The following LPP variants were observed in gnomAD, a reference collection of about 807,000 sequenced individuals.
LPP encodes the protein lipoma-preferred partner.
Under a neutral mutation model 60.4 loss-of-function variants are expected in LPP, and 38 were observed. That is an observed-to-expected ratio of 0.63 (90% CI 0.49 to 0.83). The LOEUF (loss-of-function observed/expected upper bound fraction) is 0.83. Ranked by LOEUF, LPP falls within the 40% of genes least tolerant of loss-of-function variation. The pLI, the probability that LPP is intolerant of heterozygous loss-of-function variation, is 0.00. For synonymous variants in LPP, 328 were observed against 290.8 expected, an observed-to-expected ratio of 1.13 and a Z score of -1.30; for missense variants, 902 against 783.6, an observed-to-expected ratio of 1.15 and a Z score of -1.80.
intron 8 of LPP, among the ~76,000 whole-genome samples, chr3:188,730,254 A>G (rs1719953352): frequency 6.6e-6 from 1 of 152,206 alleles, no homozygotes; most frequent in African/African-American, 2.4e-5. Flanking sequence ...GACCTTGGAA[A>G]TCATCTCCTA....
chr3:188,484,543 A>G (rs1407681117), intron 4 of LPP, 49 bp from the exon 5 acceptor site: 9 of 1,324,614 alleles, frequency 6.8e-6, no homozygotes, highest in South Asian at 1.2e-5. Flanking sequence ...CACGAGTACT[A>G]TAACGTTGCA....
intron 7 of LPP, among the ~76,000 whole-genome samples, chr3:188,667,678 C>T (rs1856094767): frequency 6.7e-6 from 1 of 148,612 alleles, no homozygotes; most frequent in Non-Finnish European, 1.5e-5. Context: ...GTGTGCTAAT[C>T]TTTTTTGTTT....
Position 188,877,820 on chromosome 3 carries a change from A to G in LPP, c.*3341A>G. ...AGGCATCAGGTTGTTAGATGCTGGCATCTCTGCAGCTCAAAGATGTGGGTT... is the reference window on the plus strand; with the variant it reads ...AGGCATCAGGTTGTTAGATGCTGGCGTCTCTGCAGCTCAAAGATGTGGGTT... On this transcript the variant is annotated 3_prime_UTR_variant, in exon 12 of 12. Transcript: ENST00000617246. 4.6e-6 allele frequency: 1 copy of G among 216,668 alleles called. No homozygotes were observed. 13.4% of individuals were successfully genotyped at this position (216,668 alleles called of 1,614,324 possible).
intron 4 of LPP, among the ~76,000 whole-genome samples, chr3:188,482,151 C>G (rs563705771): frequency 2.0e-5 from 3 of 152,164 alleles, no homozygotes; most frequent in Non-Finnish European, 4.4e-5. Context: ...TTCCCCTTCA[C>G]CTTCTGCCGT....
chr3:188,691,456 C>T (rs75760859), intron 7 of LPP, among the ~76,000 whole-genome samples: 3 of 152,188 alleles, frequency 2.0e-5, no homozygotes, highest in East Asian at 1.9e-4. Flanking sequence ...GGAGTAAGGC[C>T]TGGCCCAAAG....
chr3:188,403,541 T>C lies in LPP; in HGVS notation c.-9-2571T>C, dbSNP rs1038438397. 9.2e-5 allele frequency among the ~76,000 whole-genome samples: 14 copies of C among 152,354 alleles called. No homozygotes were observed. The East Asian group carries it at 2.5e-3, about 27-fold the overall frequency. On this transcript the variant is annotated intron_variant, in intron 3 of 11. Transcript: ENST00000617246. ...CTTGATCCCTTTTATTTCACACTTATATTCACTTTAGTCATACTGAAAGCA... is the reference window on the plus strand; with the variant it reads ...CTTGATCCCTTTTATTTCACACTTACATTCACTTTAGTCATACTGAAAGCA...
chr3:188,279,580 A>C (rs1206856498), intron 2 of LPP, among the ~76,000 whole-genome samples: 1 of 152,226 alleles, frequency 6.6e-6, no homozygotes, highest in Non-Finnish European at 1.5e-5. Flanking sequence ...TCACTATAAA[A>C]GTAAGATAGC....
At chr3:188,308,762 G>A (rs147878951) in intron 2 of LPP, among the ~76,000 whole-genome samples, 3 of 152,234 alleles carry the variant, frequency 2.0e-5, no homozygotes, top group East Asian at 3.9e-4. Context: ...ATAAAACTTC[G>A]GTCAAGGACT....
At chr3:188,668,297 AT>A (rs890893703) in intron 7 of LPP, among the ~76,000 whole-genome samples, 3 of 152,140 alleles carry the variant, frequency 2.0e-5, no homozygotes, top group African/African-American at 7.2e-5. Flanking sequence ...TTATAATTTT[AT>A]GCCTGGACAT....
At chr3:188,232,868 T>G (rs1460250716) in intron 2 of LPP, among the ~76,000 whole-genome samples, 1 of 152,166 alleles carries the variant, frequency 6.6e-6, no homozygotes, top group Non-Finnish European at 1.5e-5. Context: ...GAGTGCCTAC[T>G]TCAGAGTCTT....
At chr3:188,753,641 T>C (rs899930679) in intron 8 of LPP, among the ~76,000 whole-genome samples, 2 of 151,754 alleles carry the variant, frequency 1.3e-5, no homozygotes, top group Non-Finnish European at 2.9e-5. Flanking sequence ...TTTTTTACTT[T>C]ACCTTAATTT....
At chr3:188,626,528 G>A (rs899601780) in intron 7 of LPP, among the ~76,000 whole-genome samples, 1 of 152,010 alleles carries the variant, frequency 6.6e-6, no homozygotes, top group African/African-American at 2.4e-5. Context: ...CAATTCTAGA[G>A]GCTAGAAGTC....
At chr3:188,866,092 A>C in intron 9 of LPP, 108 bp from the exon 10 acceptor site, 1 of 806,048 alleles carries the variant, frequency 1.2e-6, no homozygotes, top group South Asian at 3.9e-5. Context: ...TGCCTTCCTT[A>C]GAGTGGTGTG....
intron 8 of LPP, among the ~76,000 whole-genome samples, chr3:188,756,307 C>A (rs111399867): frequency 6.6e-6 from 1 of 152,198 alleles, no homozygotes; most frequent in African/African-American, 2.4e-5. Flanking sequence ...AGTTCCCCAT[C>A]GGCTGCCGGC....
intron 6 of LPP, among the ~76,000 whole-genome samples, chr3:188,538,296 G>A (rs1480260761): frequency 6.6e-6 from 1 of 152,166 alleles, no homozygotes; most frequent in Non-Finnish European, 1.5e-5. Flanking sequence ...TGCAAATCAT[G>A]TATCTGTTAA....
intron 1 of LPP, among the ~76,000 whole-genome samples, chr3:188,187,296 A>C (rs1253259640): frequency 6.6e-6 from 1 of 152,066 alleles, no homozygotes; most frequent in African/African-American, 2.4e-5. Flanking sequence ...CTGTGGTTTC[A>C]TTTCCTTTTC....
chr3:188,473,701 C>G (rs986284070), intron 4 of LPP, among the ~76,000 whole-genome samples: 1 of 152,176 alleles, frequency 6.6e-6, no homozygotes, highest in African/African-American at 2.4e-5. Context: ...TCCCTCATTT[C>G]TCTGCTCTTT....
intron 8 of LPP, among the ~76,000 whole-genome samples, chr3:188,744,747 GA>G (rs1399294097): frequency 6.6e-6 from 1 of 152,110 alleles, no homozygotes; most frequent in Non-Finnish European, 1.5e-5. Flanking sequence ...TATAGCTAGA[GA>G]TTTTGCTAAA....
At chr3:188,442,320 G>A (rs1794207806) in intron 4 of LPP, among the ~76,000 whole-genome samples, 3 of 152,014 alleles carry the variant, frequency 2.0e-5, no homozygotes, top group South Asian at 4.2e-4. Flanking sequence ...TCCCTTCCCC[G>A]TGTCCGTGTG....
Sources: allele counts gnomAD v4.1 joint callset (sites outside exome capture counted in the v4.1 genomes callset), GRCh38; gene constraint gnomAD v4.1.1; transcripts MANE v1.5; gene names NCBI Gene and HGNC (gene_info 2026-07-23, HGNC 2026-07-21).